PEBP4: variants seen among roughly 807,000 people sequenced by gnomAD.
PEBP4 encodes phosphatidylethanolamine binding protein 4.
PEBP4 carries 22 observed loss-of-function variants against 23.9 expected under a neutral mutation model. The observed-to-expected ratio is 0.92, with a 90% CI of 0.66 to 1.31. The LOEUF is 1.31. Ranked by LOEUF, PEBP4 falls within the 40% of genes most tolerant of loss-of-function variation. PEBP4 has a pLI of 0.00. For synonymous variants in PEBP4, 112 were observed against 99.3 expected (o/e 1.13, Z -0.76); for missense variants, 324 against 281.7 (o/e 1.15, Z -1.07).
intron 4 of PEBP4, among the ~76,000 whole-genome samples, chr8:22,761,235 G>GGT (rs141053955): frequency 7.3e-5 from 11 of 151,482 alleles, no homozygotes; most frequent in South Asian, 2.1e-4. Context: ...TGTGGGGTGG[G>GGT]GTGTGTGTGT....
intron 3 of PEBP4, among the ~76,000 whole-genome samples, chr8:22,901,109 T>G (rs972856753): frequency 6.6e-6 from 1 of 152,214 alleles, no homozygotes; most frequent in Admixed American, 6.5e-5. Context: ...GTGCATGAAC[T>G]AAGAAAATTT....
At chr8:22,773,860 C>A (rs914960368) in intron 4 of PEBP4, among the ~76,000 whole-genome samples, 1 of 152,134 alleles carries the variant, frequency 6.6e-6, no homozygotes, top group Admixed American at 6.5e-5. Context: ...TGTTCCTCTA[C>A]CAGGGACCTT....
Position 22,722,781 on chromosome 8 carries a change from T to G in PEBP4, c.517+2062A>C, listed in dbSNP as rs554291797. On this transcript the variant is annotated intron_variant, in intron 6 of 6. Coordinates refer to ENST00000256404, the MANE Select transcript of PEBP4 (RefSeq NM_144962.3). ...CATCTGGGAGGGCCATTTTTTTTTTTTTGTTTTTTTGAGACGGAGTCTCTC... is the reference window on the plus strand; with the variant it reads ...CATCTGGGAGGGCCATTTTTTTTTTGTTGTTTTTTTGAGACGGAGTCTCTC... Among the ~76,000 whole-genome samples the G allele has an allele frequency of 2.1e-4, 32 of 151,814 alleles. 2 individuals carry two copies. The South Asian group carries it at 5.2e-3, about 25-fold the overall frequency.
intron 4 of PEBP4, among the ~76,000 whole-genome samples, chr8:22,801,954 A>T (rs1335689898): frequency 6.6e-6 from 1 of 152,144 alleles, no homozygotes; most frequent in Non-Finnish European, 1.5e-5. Flanking sequence ...GAAAACAGTG[A>T]CTTCCATCCT....
At chr8:22,723,869 T>C (rs1804568830) in intron 6 of PEBP4, among the ~76,000 whole-genome samples, 1 of 152,184 alleles carries the variant, frequency 6.6e-6, no homozygotes. Context: ...CTGGGCTCCA[T>C]GTTCCTCTCC....
At chr8:22,929,380 A>T (rs1305293773), upstream of PEBP4, among the ~76,000 whole-genome samples, 2 of 152,258 alleles carry the variant, frequency 1.3e-5, no homozygotes. Context: ...TCCAAATGGC[A>T]TCCACTAGAG....
chr8:22,924,121 G>T (rs976840342), intron 2 of PEBP4, among the ~76,000 whole-genome samples: 2 of 152,158 alleles, frequency 1.3e-5, no homozygotes, highest in Admixed American at 6.5e-5. Context: ...CCGGCACTTT[G>T]GGAGGCTGAG....
chr8:22,723,404 C>T (rs560440927), intron 6 of PEBP4, among the ~76,000 whole-genome samples: 6 of 152,226 alleles, frequency 3.9e-5, no homozygotes, highest in Admixed American at 6.5e-5. Context: ...TGGCATCTCC[C>T]GATGCTCTAT....
chr8:22,857,175 T>G (rs1807671335), intron 3 of PEBP4, among the ~76,000 whole-genome samples: 1 of 151,666 alleles, frequency 6.6e-6, no homozygotes, highest in African/African-American at 2.4e-5. Context: ...TTTCCCTTTC[T>G]TTAAAAAAAA....
At chr8:22,797,456 T>A (rs1329913966) in intron 4 of PEBP4, among the ~76,000 whole-genome samples, 1 of 151,990 alleles carries the variant, frequency 6.6e-6, no homozygotes, top group Admixed American at 6.6e-5. Context: ...GTGAACTCAT[T>A]GGCAGAAGAG....
At chr8:22,806,159 G>A (rs904787233) in intron 4 of PEBP4, among the ~76,000 whole-genome samples, 2 of 152,122 alleles carry the variant, frequency 1.3e-5, no homozygotes, top group African/African-American at 4.8e-5. Context: ...AACTGATTTA[G>A]AACCTAAATA....
At position 22,927,851 on chromosome 8, in the gene PEBP4, G is replaced by C; in HGVS notation, c.-35C>G. 9.4e-7 allele frequency: 1 copy of C among 1,067,348 alleles called. No homozygotes were observed. Among genetic ancestry groups the C allele is most frequent in the Non-Finnish European group, 1.3e-6 (1 of 748,634 alleles). 66.1% of individuals were successfully genotyped at this position (1,067,348 alleles called of 1,614,324 possible). ...TGGTTAAGCACAGGGAGAAGGACAGGCAGCTTCCAGGGCTCCGCAGCTAAT... is the reference window on the plus strand; with the variant it reads ...TGGTTAAGCACAGGGAGAAGGACAGCCAGCTTCCAGGGCTCCGCAGCTAAT... On this transcript the variant is annotated 5_prime_UTR_variant, in exon 1 of 7. Coordinates refer to ENST00000256404, the MANE Select transcript of PEBP4 (RefSeq NM_144962.3).
chr8:22,897,502 A>G (rs1352056481), intron 3 of PEBP4, among the ~76,000 whole-genome samples: 2 of 152,146 alleles, frequency 1.3e-5, no homozygotes, highest in Non-Finnish European at 2.9e-5. Flanking sequence ...CTCTGGTTTT[A>G]GTATGTGTAA....
chr8:22,807,871 C>G (rs1160560396), intron 4 of PEBP4, among the ~76,000 whole-genome samples: 1 of 130,562 alleles, frequency 7.7e-6, no homozygotes, highest in Non-Finnish European at 1.7e-5. Flanking sequence ...TACCCAACCT[C>G]TATCCATCCA....
chr8:22,779,682 A>G (rs1805879407), intron 4 of PEBP4, among the ~76,000 whole-genome samples: 2 of 152,244 alleles, frequency 1.3e-5, no homozygotes, highest in African/African-American at 2.4e-5. Context: ...AACCACTGAT[A>G]TGGTGCCCTT....
intron 4 of PEBP4, among the ~76,000 whole-genome samples, chr8:22,813,035 A>G (rs1806665365): frequency 1.3e-5 from 2 of 152,346 alleles, no homozygotes; most frequent in African/African-American, 2.4e-5. Context: ...TGCTACCCAC[A>G]TAACTAGAAA....
intron 6 of PEBP4, among the ~76,000 whole-genome samples, chr8:22,717,443 TCCGTC>T (rs1279994359): frequency 3.4e-5 from 5 of 148,952 alleles, no homozygotes; most frequent in Admixed American, 1.3e-4. Context: ...CCTCAGTATT[TCCGTC>T]CTGATGTATT....
At chr8:22,842,320 CAG>C (rs1258346551) in intron 3 of PEBP4, among the ~76,000 whole-genome samples, 1 of 152,112 alleles carries the variant, frequency 6.6e-6, no homozygotes, top group African/African-American at 2.4e-5. Flanking sequence ...GGACTGAGAG[CAG>C]AGAGGAGAAC....
intron 4 of PEBP4, among the ~76,000 whole-genome samples, chr8:22,740,198 G>C (rs1344923079): frequency 6.6e-6 from 1 of 152,228 alleles, no homozygotes; most frequent in African/African-American, 2.4e-5. Flanking sequence ...AGGGACTCTG[G>C]AAGAAAGGTC....
Sources: allele counts gnomAD v4.1 joint callset (sites outside exome capture counted in the v4.1 genomes callset), GRCh38; gene constraint gnomAD v4.1.1; transcripts MANE v1.5; gene names NCBI Gene and HGNC (gene_info 2026-07-23, HGNC 2026-07-21).